Variants in ADCY1 observed in about 807,000 individuals in gnomAD.
ADCY1 encodes the protein adenylate cyclase type 1.
Under a neutral mutation model 105.4 loss-of-function variants are expected in ADCY1, and 28 were observed. That is an observed-to-expected ratio of 0.27 (90% CI 0.20 to 0.36). The LOEUF (loss-of-function observed/expected upper bound fraction) is 0.36. ADCY1 is among the 10% of genes least tolerant of loss of function. The pLI, the probability that ADCY1 is intolerant of heterozygous loss-of-function variation, is 1.00. For synonymous variants in ADCY1, 655 were observed against 623.8 expected, an observed-to-expected ratio of 1.05 and a Z score of -0.75; for missense variants, 977 against 1,434.2, an observed-to-expected ratio of 0.68 and a Z score of 5.15.
At chr7:45,651,600 G>T (rs189570505) in intron 5 of ADCY1, among the ~76,000 whole-genome samples, 1 of 152,110 alleles carries the variant, frequency 6.6e-6, no homozygotes, top group African/African-American at 2.4e-5. Context: ...CACTGATTCT[G>T]TTTGCTCCCC....
rs770046299 is a variant in ADCY1, at chr7:45,713,898, C to T, written c.3263C>T (p.Pro1088Leu). 5 of 780,678 alleles carry T rather than the reference C, an allele frequency of 6.4e-6. No individual in the cohort carries two copies. The South Asian group carries it at 6.7e-5, about 10-fold the overall frequency. 48.4% of individuals were successfully genotyped at this position (780,678 alleles called of 1,614,324 possible). A position where few individuals can be genotyped will look rare whatever the true frequency, so the allele number is the denominator to read the frequency against. The change falls in exon 20 of 20, where the codon CCC (proline) becomes CTC (leucine). Residue 1088 changes from proline to leucine, a missense_variant. Coordinates refer to ENST00000297323, the MANE Select transcript of ADCY1 (RefSeq NM_021116.4). ...GCTGGCCTTCAGGGCAGACGTCCCC[C>T]CGTGTGCCCCATGCCTGGCGTCTCA... ...GRAGLQGRRP[P>L]VCPMPGVSVR...
chr7:45,628,255 T>C (rs1794122551), intron 4 of ADCY1, among the ~76,000 whole-genome samples: 1 of 152,222 alleles, frequency 6.6e-6, no homozygotes, highest in Admixed American at 6.5e-5. Context: ...TCTCTTGGCA[T>C]TCTCCACTCT....
intron 10 of ADCY1, among the ~76,000 whole-genome samples, chr7:45,678,547 T>C (rs925259797): frequency 1.3e-5 from 2 of 152,126 alleles, no homozygotes; most frequent in African/African-American, 4.8e-5. Flanking sequence ...CAATATATTT[T>C]CATGCTTTTT....
At chr7:45,597,708 C>T (rs543956243) in intron 2 of ADCY1, among the ~76,000 whole-genome samples, 2 of 152,230 alleles carry the variant, frequency 1.3e-5, no homozygotes, top group Admixed American at 1.3e-4. Flanking sequence ...AGGCTTCTGC[C>T]AACATTCTTA....
At chr7:45,619,440 A>C (rs1322282039) in intron 3 of ADCY1, among the ~76,000 whole-genome samples, 1 of 152,196 alleles carries the variant, frequency 6.6e-6, no homozygotes, top group Non-Finnish European at 1.5e-5. Flanking sequence ...TGATAACTGC[A>C]TGTTGTATAC....
At position 45,679,730 on chromosome 7, in the gene ADCY1, G is replaced by C; in HGVS notation, c.1920G>C (p.Leu640=). The C allele has an allele frequency of 6.2e-7, 1 of 1,614,176 alleles. No individual in the cohort carries two copies. The highest frequency in any genetic ancestry group is 8.5e-7 in the Non-Finnish European group (1 of 1,180,026). The change falls in exon 11 of 20, where the codon CTG becomes CTC. Residue 640 remains leucine, a synonymous_variant. Coordinates refer to ENST00000297323, the MANE Select transcript of ADCY1 (RefSeq NM_021116.4). ...CCAGGAGTGTGGTCGTCCTGCTCCT[G>C]CTAGTATTCTGCATCTGCTTCCTGG... ...IFPQSVVVLL[L]LVFCICFLVA...
chr7:45,681,800 G>A (rs1203460987), intron 11 of ADCY1, among the ~76,000 whole-genome samples: 1 of 152,214 alleles, frequency 6.6e-6, no homozygotes, highest in Admixed American at 6.5e-5. Flanking sequence ...GGGCCACCCA[G>A]CAGAAGGCCA....
intron 14 of ADCY1, among the ~76,000 whole-genome samples, chr7:45,692,115 C>T (rs1375956444): frequency 1.3e-5 from 2 of 152,192 alleles, no homozygotes; most frequent in African/African-American, 4.8e-5. Context: ...TCCTGCAGCA[C>T]ACTTCTATGG....
At position 45,584,329 on chromosome 7, in the gene ADCY1, C is replaced by A. The variant is rs143726821; in HGVS notation, c.640-8430C>A. ...ACCCTGGCTCTGGTGGCCCCCACTTCCTGGGAGCATCGATGCTTCCGATGG... is the reference window on the plus strand; with the variant it reads ...ACCCTGGCTCTGGTGGCCCCCACTTACTGGGAGCATCGATGCTTCCGATGG... On this transcript the variant is annotated intron_variant, in intron 1 of 19. Transcript: ENST00000297323. Among the ~76,000 whole-genome samples, 472 of 152,278 alleles carry A rather than the reference C, an allele frequency of 3.1e-3. 3 individuals are homozygous for A. Among genetic ancestry groups the A allele is most frequent in the African/African-American group, 0.011 (447 of 41,574 alleles).
intron 8 of ADCY1, among the ~76,000 whole-genome samples, chr7:45,675,300 CTT>C (rs1226570657): frequency 6.6e-6 from 1 of 152,118 alleles, no homozygotes; most frequent in Non-Finnish European, 1.5e-5. Flanking sequence ...AACTTTACCT[CTT>C]TTTCAGTCCC....
intron 4 of ADCY1, among the ~76,000 whole-genome samples, chr7:45,630,416 C>A (rs529880117): frequency 6.6e-6 from 1 of 152,328 alleles, no homozygotes; most frequent in African/African-American, 2.4e-5. Flanking sequence ...ACAGAAACTT[C>A]TTTGAGAGCA....
At chr7:45,653,136 G>A (rs1009581246) in intron 5 of ADCY1, among the ~76,000 whole-genome samples, 1 of 152,240 alleles carries the variant, frequency 6.6e-6, no homozygotes. Context: ...GAGAGATGAA[G>A]ATGGGATGAG....
chr7:45,666,849 G>C (rs1053986064), intron 8 of ADCY1, among the ~76,000 whole-genome samples: 11 of 152,246 alleles, frequency 7.2e-5, no homozygotes, highest in African/African-American at 2.6e-4. Context: ...ATCTCATTGT[G>C]GTTTTGATTT....
In ADCY1 at chr7:45,708,612, G is replaced by T; in HGVS notation, c.2932+148G>T. On this transcript the variant is annotated intron_variant, in intron 18 of 19. Transcript: ENST00000297323. The surrounding 1 kb of genome is among the most constrained non-coding windows in gnomAD (Gnocchi z 4.7). ...GGCATGGGGACCTGTGTACCGAGTTGCCCCTGGAAGCTGCTGGTGGAAGGT... is the reference window on the plus strand; with the variant it reads ...GGCATGGGGACCTGTGTACCGAGTTTCCCCTGGAAGCTGCTGGTGGAAGGT... 1 of 611,982 alleles carries T rather than the reference G, an allele frequency of 1.6e-6. No homozygotes were observed. The allele number at this position is 611,982 out of a possible 1,614,324, so 37.9% of individuals were successfully genotyped here.
At chr7:45,655,574 A>C (rs753555098) in intron 5 of ADCY1, among the ~76,000 whole-genome samples, 7 of 152,258 alleles carry the variant, frequency 4.6e-5, no homozygotes, top group Non-Finnish European at 8.8e-5. Context: ...TCAGTTTTTT[A>C]GAAGTAACTG....
chr7:45,624,821 G>GC (rs1389674952), intron 4 of ADCY1, among the ~76,000 whole-genome samples: 1 of 152,132 alleles, frequency 6.6e-6, no homozygotes, highest in Non-Finnish European at 1.5e-5. Context: ...GTCCCGCTTG[G>GC]CCCCACCTGG....
chr7:45,698,472 C>G (rs919024308), intron 14 of ADCY1, among the ~76,000 whole-genome samples: 3 of 152,194 alleles, frequency 2.0e-5, no homozygotes, highest in African/African-American at 7.2e-5. Flanking sequence ...GGAAGTGGAG[C>G]TGATTGGAGT....
chr7:45,711,688 CACATATATGTA>C (rs1785238708), intron 19 of ADCY1, among the ~76,000 whole-genome samples: 1 of 139,382 alleles, frequency 7.2e-6, no homozygotes, highest in African/African-American at 2.6e-5. Context: ...TATATACACA[CACATATATGTA>C]TATATACATA....
At chr7:45,666,090 T>A (rs966367394) in intron 8 of ADCY1, among the ~76,000 whole-genome samples, 2 of 152,186 alleles carry the variant, frequency 1.3e-5, no homozygotes, top group African/African-American at 4.8e-5. Flanking sequence ...TTAGCATGGT[T>A]TAAAAAATCA....
Sources: gnomAD v4.1 joint callset for allele counts (sites outside exome capture counted in the v4.1 genomes callset) on GRCh38, gnomAD v4.1.1 for gene constraint, Gnocchi (gnomAD v3.1) non-coding constraint, MANE v1.5 for transcripts, NCBI Gene and HGNC (gene_info 2026-07-23, HGNC 2026-07-21) for gene names.